The following SRSF4 variants were observed in gnomAD, a reference collection of about 807,000 sequenced individuals.
SRSF4 encodes the protein serine/arginine-rich splicing factor 4.
SRSF4 carries 12 observed loss-of-function variants against 48.8 expected under a neutral mutation model. The observed-to-expected ratio is 0.25, with a 90% confidence interval of 0.16 to 0.40. The LOEUF (loss-of-function observed/expected upper bound fraction) is 0.40, where lower values mean the gene tolerates loss of function less well. SRSF4 is among the 10% of genes least tolerant of loss of function. SRSF4 has a pLI of 1.00. For missense variants in SRSF4, 466 were observed against 667.1 expected (o/e 0.70, Z 3.32); for synonymous variants, 248 against 232.5 (o/e 1.07, Z -0.61).
intron 1 of SRSF4, 38 bp downstream of exon 1, chr1:29,181,608 T>C: frequency 6.5e-7 from 1 of 1,533,408 alleles, no homozygotes; most frequent in Non-Finnish European, 8.8e-7. Context: ...CTATGGGGTC[T>C]GTCCCCGCCC....
chr1:29,153,133 A>G (rs1672440362), intron 4 of SRSF4, among the ~76,000 whole-genome samples: 1 of 151,558 alleles, frequency 6.6e-6, no homozygotes, highest in Non-Finnish European at 1.5e-5. Flanking sequence ...GGCAAGGACC[A>G]TATTTGTCTT....
chr1:29,173,520 G>A (rs1441969170), intron 1 of SRSF4: 1 of 123,202 alleles, frequency 8.1e-6, no homozygotes, highest in East Asian at 2.5e-4. Context: ...AGGCTGGAGT[G>A]CAATGGTGCA....
chr1:29,179,532 A>G (rs1672922144), intron 1 of SRSF4, among the ~76,000 whole-genome samples: 1 of 152,096 alleles, frequency 6.6e-6, no homozygotes, highest in Non-Finnish European at 1.5e-5. Context: ...GCTAATTAAA[A>G]AAATTTTTTT....
chr1:29,160,174 A>C (rs919438168), intron 2 of SRSF4: 22 of 581,402 alleles, frequency 3.8e-5, no homozygotes, highest in Middle Eastern at 4.9e-4. Context: ...AAGTATTATA[A>C]ACAAGAAATT....
Position 29,148,214 on chromosome 1 carries a change from T to C in SRSF4, c.*196A>G. ...AAAGGGGATTTTCAAAGAGAAAATT[T>C]TTTTCAGTCGAGCAGGAAGGCCTGG... On this transcript the variant is annotated 3_prime_UTR_variant, in exon 6 of 6. Coordinates refer to ENST00000373795, the MANE Select transcript of SRSF4 (RefSeq NM_005626.5). 1 of 811,200 alleles carries C rather than the reference T, an allele frequency of 1.2e-6. No individual in the cohort carries two copies. Among genetic ancestry groups the C allele is most frequent in the Non-Finnish European group, 2.1e-6 (1 of 487,044 alleles). The allele number at this position is 811,200 out of a possible 1,614,324, so 50.3% of individuals were successfully genotyped here.
intron 1 of SRSF4, among the ~76,000 whole-genome samples, chr1:29,180,316 T>C (rs1672935844): frequency 6.6e-6 from 1 of 152,220 alleles, no homozygotes; most frequent in African/African-American, 2.4e-5. Flanking sequence ...GCCACTTCAA[T>C]ATATCCTTAA....
At chr1:29,151,659 G>GT (rs1558386683) in intron 4 of SRSF4, among the ~76,000 whole-genome samples, 1 of 152,330 alleles carries the variant, frequency 6.6e-6, no homozygotes, top group East Asian at 1.9e-4. Context: ...CATCCATGGA[G>GT]TAACTGGGGA....
intron 1 of SRSF4, among the ~76,000 whole-genome samples, chr1:29,177,315 CTT>C (rs372338664): frequency 4.2e-4 from 60 of 143,458 alleles, no homozygotes; most frequent in African/African-American, 1.4e-3. Flanking sequence ...AAGTTTTGCT[CTT>C]GTTGCCCAGG....
chr1:29,181,235 G>A (rs1210544612), intron 1 of SRSF4, among the ~76,000 whole-genome samples: 1 of 152,216 alleles, frequency 6.6e-6, no homozygotes, highest in African/African-American at 2.4e-5. Context: ...AGGTGAAAGG[G>A]AGCAGGAAAT....
intron 2 of SRSF4, 169 bp from the exon 3 acceptor site, chr1:29,159,655 G>A (rs1031483490): frequency 2.4e-6 from 1 of 421,482 alleles, no homozygotes. Context: ...GAAGCAATCA[G>A]CTAAATATAA....
chr1:29,148,418 T>C lies in SRSF4; in HGVS notation c.1477A>G (p.Arg493Gly), dbSNP rs1279758503. 6.3e-6 allele frequency: 10 copies of C among 1,597,132 alleles called. No homozygotes were observed. The highest frequency in any genetic ancestry group is 2.3e-5 in the South Asian group (2 of 88,014). ...PSRSRSRSHS[R>G]S The stretch of plus-strand genomic sequence containing the variant: ...GCTGTGGCCATAGCCAGTTAGGACC[T>C]TGAGTGGGACCTAGATCTAGATCGG... The change falls in exon 6 of 6, where the codon AGG (arginine) becomes GGG (glycine). Residue 493 changes from arginine (R) to glycine (G), a missense_variant. By Grantham distance (125) the Arg-to-Gly change is moderately radical. Around this residue, in one of 2 missense-constraint regions of SRSF4, gnomAD observed 402 missense variants for 437.0 expected, o/e 0.92. Transcript: ENST00000373795.
At chr1:29,152,774 C>T (rs371195302) in intron 4 of SRSF4, among the ~76,000 whole-genome samples, 1 of 151,960 alleles carries the variant, frequency 6.6e-6, no homozygotes, top group Non-Finnish European at 1.5e-5. Context: ...CAAAAATTAG[C>T]CAGGCATGGT....
intron 4 of SRSF4, among the ~76,000 whole-genome samples, chr1:29,154,139 T>C (rs1204644987): frequency 1.3e-5 from 2 of 152,280 alleles, no homozygotes; most frequent in Admixed American, 6.5e-5. Flanking sequence ...CTGCAACCTC[T>C]GCCCCTACTG....
chr1:29,157,206 T>C (rs775443713), intron 3 of SRSF4, among the ~76,000 whole-genome samples: 8 of 151,958 alleles, frequency 5.3e-5, no homozygotes, highest in Non-Finnish European at 1.2e-4. Context: ...TGATAAGGCT[T>C]TCCTCCTCCC....
intron 1 of SRSF4, chr1:29,173,315 AT>A (rs373075196): frequency 2.1e-4 from 30 of 142,762 alleles, no homozygotes; most frequent in African/African-American, 1.5e-4. Flanking sequence ...TTTTTTTTGT[AT>A]TTTTTTTTTA....
chr1:29,178,326 C>A (rs1672900786), intron 1 of SRSF4, among the ~76,000 whole-genome samples: 2 of 148,906 alleles, frequency 1.3e-5, no homozygotes, highest in Non-Finnish European at 3.0e-5. Flanking sequence ...TCTAAAGCAT[C>A]CAAAATCTGT....
At chr1:29,171,840 C>T (rs1024634864) in intron 1 of SRSF4, 2 of 152,040 alleles carry the variant, frequency 1.3e-5, no homozygotes, top group Non-Finnish European at 2.9e-5. Flanking sequence ...TCATACAGTA[C>T]CTCAATGAGA....
At chr1:29,164,688 G>A (rs1310311147) in intron 1 of SRSF4, among the ~76,000 whole-genome samples, 7 of 152,134 alleles carry the variant, frequency 4.6e-5, no homozygotes, top group African/African-American at 1.7e-4. Flanking sequence ...CAGGAATTCA[G>A]GAGAAAGAAT....
At chr1:29,149,326 A>G in intron 5 of SRSF4, 100 bp from the exon 6 acceptor site, 57 of 1,360,212 alleles carry the variant, frequency 4.2e-5, no homozygotes, top group Non-Finnish European at 5.5e-5. Context: ...ACCCCCCAAT[A>G]TAAAGCATGG....
Sources: allele counts gnomAD v4.1 joint callset (sites outside exome capture counted in the v4.1 genomes callset), GRCh38; gene constraint gnomAD v4.1.1; regional missense constraint gnomAD v4.1.1; transcripts MANE v1.5; gene names NCBI Gene and HGNC (gene_info 2026-07-23, HGNC 2026-07-21).